The following TTLL9 variants were observed in gnomAD, a reference collection of about 807,000 sequenced individuals.
TTLL9 encodes the protein probable tubulin polyglutamylase TTLL9.
A neutral mutation model predicts 65.6 loss-of-function variants in TTLL9; 47 were observed. The ratio of observed to expected loss-of-function variants is 0.72; its 90% CI spans 0.57 to 0.91. The LOEUF is 0.91. TTLL9 is among the 40% of genes least tolerant of loss of function. The probability of loss-of-function intolerance (pLI) is 0.00; values close to 1 mark genes in which losing one functional copy is unlikely to be tolerated. For synonymous variants in TTLL9, 179 were observed against 204.8 expected (o/e 0.87, Z 1.07); for missense variants, 537 against 568.8 (o/e 0.94, Z 0.57).
At chr20:31,919,749 T>G in intron 6 of TTLL9, 115 bp from the exon 7 acceptor site, 2 of 781,356 alleles carry the variant, frequency 2.6e-6, no homozygotes, top group Non-Finnish European at 3.9e-6. Flanking sequence ...CTGGGGAGAG[T>G]TGGGGGTTCA....
intron 3 of TTLL9, among the ~76,000 whole-genome samples, chr20:31,889,065 C>T (rs951532585): frequency 7.5e-5 from 11 of 146,072 alleles, no homozygotes; most frequent in African/African-American, 2.6e-4. Context: ...CACACACACA[C>T]ATATATTTAC....
chr20:31,917,347 C>A (rs936718187), intron 6 of TTLL9, among the ~76,000 whole-genome samples: 1 of 152,314 alleles, frequency 6.6e-6, no homozygotes, highest in East Asian at 1.9e-4. Context: ...TCTCCCTTGA[C>A]ATGTTTTGCA....
chr20:31,870,809 C>T lies in TTLL9; in HGVS notation c.-146C>T, dbSNP rs75351461. On this transcript the variant is annotated 5_prime_UTR_variant, in exon 1 of 15. Coordinates refer to ENST00000535842, the MANE Select transcript of TTLL9 (RefSeq NM_001008409.5). This position sits in a 1 kb window ranked among gnomAD's most constrained non-coding sequence, Gnocchi z 6.6. ...GGCCCACAAACTCCCGTCCCCCTTC[C>T]GGCTCTGCCTGGACGTCCCTGCGGG... The T allele has an allele frequency of 0.15, 76,364 of 498,860 alleles. 6,958 individuals are homozygous for T. The highest frequency in any genetic ancestry group is 0.18 in the Non-Finnish European group (52,524 of 287,636). 30.9% of individuals were successfully genotyped at this position (498,860 alleles called of 1,614,324 possible). A position where few individuals can be genotyped will look rare whatever the true frequency, so the allele number is the denominator to read the frequency against.
At chr20:31,919,021 A>T (rs140113985) in intron 6 of TTLL9, among the ~76,000 whole-genome samples, 319 of 152,300 alleles carry the variant, frequency 2.1e-3, no homozygotes, top group Middle Eastern at 6.8e-3. Flanking sequence ...TGCTCAGAGG[A>T]GAACAGAAGG....
chr20:31,926,118 TC>T, intron 10 of TTLL9, 27 bp downstream of exon 10: 1 of 1,503,898 alleles, frequency 6.6e-7, no homozygotes, highest in Non-Finnish European at 9.3e-7. Context: ...GTCCCTTCCC[TC>T]CGGGAGCTTC....
chr20:31,909,787 G>C lies in TTLL9; in HGVS notation c.369G>C (p.Gln123His), dbSNP rs766481757. The change falls in exon 6 of 15, where the codon CAG becomes CAC. Residue 123 changes from glutamine (Q) to histidine (H), a missense_variant. By Grantham distance (24) the Gln-to-His change is conservative. Transcript: ENST00000535842. The stretch of plus-strand genomic sequence containing the variant: ...AGAACCTGAAGCGGTTCCGGAAGCA[G>C]CTGGAGCGTGAGGCAGGAAAGCTGG... ...MVKNLKRFRK[Q>H]LEREAGKLEA... The C allele has an allele frequency of 9.9e-6, 16 of 1,614,082 alleles. No homozygotes were observed. In the Admixed American group the frequency reaches 2.2e-4, roughly 22 times the overall value.
intron 3 of TTLL9, among the ~76,000 whole-genome samples, chr20:31,894,098 C>CTTTTTTTTT (rs1162101774): frequency 3.8e-4 from 35 of 92,096 alleles, no homozygotes; most frequent in South Asian, 7.2e-4. Context: ...CCATTTGGTT[C>CTTTTTTTTT]TTTTTTTTTT....
intron 6 of TTLL9, among the ~76,000 whole-genome samples, chr20:31,914,795 G>A (rs1250964611): frequency 6.6e-6 from 1 of 152,136 alleles, no homozygotes; most frequent in African/African-American, 2.4e-5. Context: ...AGGAATGGCC[G>A]GTCTTCATAT....
intron 6 of TTLL9, among the ~76,000 whole-genome samples, chr20:31,916,849 A>T (rs1448894596): frequency 1.3e-5 from 2 of 152,206 alleles, no homozygotes; most frequent in East Asian, 3.9e-4. Context: ...TCTTTCCTGG[A>T]ATCTCTGAGC....
intron 4 of TTLL9, 50 bp from the exon 5 acceptor site, chr20:31,908,541 C>T: frequency 7.2e-7 from 1 of 1,384,706 alleles, no homozygotes; most frequent in South Asian, 1.2e-5. Flanking sequence ...CCCTGCAGTG[C>T]CAAGGTCCTC....
chr20:31,914,042 C>T (rs2063696112), intron 6 of TTLL9, among the ~76,000 whole-genome samples: 1 of 152,250 alleles, frequency 6.6e-6, no homozygotes, highest in Non-Finnish European at 1.5e-5. Flanking sequence ...CCAAGCTGGT[C>T]TAACACTTCA....
chr20:31,942,462 AT>A (rs1347086493), intron 14 of TTLL9, among the ~76,000 whole-genome samples: 1 of 152,042 alleles, frequency 6.6e-6, no homozygotes, highest in East Asian at 1.9e-4. Flanking sequence ...CTGGGCAGCT[AT>A]GAGGTGCCAG....
At chr20:31,908,419 G>C (rs1224244919) in intron 4 of TTLL9, among the ~76,000 whole-genome samples, 172 bp from the exon 5 acceptor site, 1 of 152,130 alleles carries the variant, frequency 6.6e-6, no homozygotes, top group Non-Finnish European at 1.5e-5. Flanking sequence ...TTTTGCTCTG[G>C]TCTAACAAAG....
At chr20:31,887,931 C>T (rs2063221740) in intron 3 of TTLL9, among the ~76,000 whole-genome samples, 1 of 114,642 alleles carries the variant, frequency 8.7e-6, no homozygotes, top group South Asian at 3.2e-4. Flanking sequence ...GTTACCCAGA[C>T]TGGAGTGCAA....
At chr20:31,920,036 A>G in intron 7 of TTLL9, 104 bp downstream of exon 7, 1 of 1,060,728 alleles carries the variant, frequency 9.4e-7, no homozygotes. Context: ...TGGCAGAGAA[A>G]CTCTGCCCAC....
At position 31,887,538 on chromosome 20, in the gene TTLL9, A is replaced by G. The variant is rs183209443; in HGVS notation, c.113+299A>G. On this transcript the variant is annotated intron_variant, in intron 3 of 14. Coordinates refer to ENST00000535842, the MANE Select transcript of TTLL9 (RefSeq NM_001008409.5). ...GGCTAAGTGACTTGCTCAAGATCAC[A>G]TGATCAGTTAGGGGCAGAGCTAGTT... Among the ~76,000 whole-genome samples, 452 of 152,338 alleles carry G rather than the reference A, an allele frequency of 3.0e-3. 3 individuals carry two copies. Among genetic ancestry groups the G allele is most frequent in the African/African-American group, 9.9e-3 (413 of 41,576 alleles).
intron 2 of TTLL9, among the ~76,000 whole-genome samples, chr20:31,882,948 C>G (rs951328023): frequency 6.6e-6 from 1 of 152,164 alleles, no homozygotes; most frequent in African/African-American, 2.4e-5. Flanking sequence ...AGAATTGTCA[C>G]TAACTGATTC....
chr20:31,873,861 A>G (rs913932681), intron 2 of TTLL9, among the ~76,000 whole-genome samples: 1 of 149,958 alleles, frequency 6.7e-6, no homozygotes, highest in Non-Finnish European at 1.5e-5. Context: ...AGAAAGAAAG[A>G]AAGAAAGAAA....
At chr20:31,876,225 T>C (rs2063035482) in intron 2 of TTLL9, among the ~76,000 whole-genome samples, 1 of 152,186 alleles carries the variant, frequency 6.6e-6, no homozygotes, top group Admixed American at 6.5e-5. Context: ...GGCCAGTGGA[T>C]TGCCTGAGGT....
Sources: gnomAD v4.1 joint callset for allele counts (sites outside exome capture counted in the v4.1 genomes callset) on GRCh38, gnomAD v4.1.1 for gene constraint, Gnocchi (gnomAD v3.1) non-coding constraint, MANE v1.5 for transcripts, NCBI Gene and HGNC (gene_info 2026-07-23, HGNC 2026-07-21) for gene names.